The following USH2A variants were observed in gnomAD, a reference collection of about 807,000 sequenced individuals.
USH2A encodes the protein usherin.
A neutral mutation model predicts 538.9 loss-of-function variants in USH2A; 443 were observed. The observed-to-expected ratio is 0.82, with a 90% CI of 0.76 to 0.89. USH2A has a LOEUF of 0.89. USH2A is among the 40% of genes least tolerant of loss of function. USH2A has a pLI of 0.00. For missense variants in USH2A, 6,633 were observed against 6,324.8 expected (o/e 1.05, Z -1.65); for synonymous variants, 2,413 against 2,273.5 (o/e 1.06, Z -1.75).
chr1:215,916,389 C>T (rs528467414), intron 38 of USH2A, among the ~76,000 whole-genome samples: 1 of 151,704 alleles, frequency 6.6e-6, no homozygotes, highest in Admixed American at 6.6e-5. Context: ...ATATTAGTGA[C>T]AAAATAAAAT....
At chr1:215,684,169 A>G (rs1658336094) in intron 61 of USH2A, among the ~76,000 whole-genome samples, 1 of 152,220 alleles carries the variant, frequency 6.6e-6, no homozygotes, top group Non-Finnish European at 1.5e-5. Context: ...TGAGACATAA[A>G]GACAAGACTC....
Position 216,174,402 on chromosome 1 carries a change from G to A in USH2A, c.4627+850C>T, listed in dbSNP as rs906951959. ...TATTGAAATCATGCTATTAGAAGCT[G>A]TAAGTCACAGAGGTCATGGGACTTC... On this transcript the variant is annotated intron_variant, in intron 21 of 71. Transcript: ENST00000307340. 10 of 985,120 alleles carry A rather than the reference G, an allele frequency of 1.0e-5. No individual in the cohort carries two copies. In the East Asian group the frequency reaches 8.0e-4, roughly 78 times the overall value. The allele number at this position is 985,120 out of a possible 1,614,324, so 61.0% of individuals were successfully genotyped here.
chr1:215,956,698 A>G (rs1667077035), intron 37 of USH2A, among the ~76,000 whole-genome samples: 1 of 152,198 alleles, frequency 6.6e-6, no homozygotes, highest in Non-Finnish European at 1.5e-5. Flanking sequence ...AACAGACACA[A>G]CAGCATAGAG....
intron 3 of USH2A, among the ~76,000 whole-genome samples, chr1:216,382,403 A>T (rs1204068978): frequency 1.3e-5 from 2 of 152,220 alleles, no homozygotes; most frequent in East Asian, 3.9e-4. Context: ...AGAAAGATGG[A>T]TACAATTAAA....
At chr1:216,225,813 G>C (rs1305000262) in intron 14 of USH2A, among the ~76,000 whole-genome samples, 1 of 152,108 alleles carries the variant, frequency 6.6e-6, no homozygotes, top group South Asian at 2.1e-4. Context: ...AGGAAGTAAT[G>C]GTTAGTTCTG....
intron 44 of USH2A, among the ~76,000 whole-genome samples, chr1:215,862,005 A>T (rs1175102804): frequency 6.6e-6 from 1 of 151,728 alleles, no homozygotes; most frequent in Non-Finnish European, 1.5e-5. Context: ...ACACCTGGCC[A>T]ATTTTTGTAT....
At chr1:216,414,161 TATG>T (rs1240115022) in intron 3 of USH2A, among the ~76,000 whole-genome samples, 1 of 152,106 alleles carries the variant, frequency 6.6e-6, no homozygotes, top group Non-Finnish European at 1.5e-5. Context: ...GTGTTCCCTA[TATG>T]ATAATAAAAA....
chr1:216,031,690 T>C (rs1358680847), intron 32 of USH2A, among the ~76,000 whole-genome samples: 1 of 152,206 alleles, frequency 6.6e-6, no homozygotes, highest in Non-Finnish European at 1.5e-5. Context: ...AATCCTTCAA[T>C]GGTTCTCTCT....
Position 215,766,784 on chromosome 1 carries a change from G to T in USH2A, c.10944C>A (p.Leu3648=), listed in dbSNP as rs1218907111. ...TDRRQHTVTG[L]QPYTNYSFTL... is the part of the protein sequence containing the mutation. ...TGAAGCTGTAGTTGGTGTATGGCTG[G>T]AGACCTAGAAAAAGCAAGCAAGAAA... The change falls in exon 56 of 72, where the codon CTC becomes CTA. Residue 3648 remains leucine, a synonymous_variant. Coordinates refer to ENST00000307340, the MANE Select transcript of USH2A (RefSeq NM_206933.4). 8.1e-6 allele frequency: 13 copies of T among 1,613,436 alleles called. No individual in the cohort carries two copies. Among genetic ancestry groups the T allele is most frequent in the African/African-American group, 1.3e-5 (1 of 74,992 alleles).
At chr1:215,682,090 G>A (rs948183464) in intron 61 of USH2A, among the ~76,000 whole-genome samples, 22 of 152,080 alleles carry the variant, frequency 1.4e-4, no homozygotes, top group African/African-American at 3.9e-4. Context: ...TACAAGTCCC[G>A]ATTACAAACA....
intron 64 of USH2A, among the ~76,000 whole-genome samples, chr1:215,659,873 G>A (rs1007423335): frequency 3.3e-4 from 50 of 152,152 alleles, no homozygotes; most frequent in Admixed American, 1.3e-4. Context: ...CAGGACTTGA[G>A]TTCTGACTCT....
rs1246641763 is a variant in USH2A at position 215,782,213 on chromosome 1, A to G, written c.10586-17T>C. 5 of 1,613,008 alleles carry G rather than the reference A, an allele frequency of 3.1e-6. No individual in the cohort carries two copies. The highest frequency in any genetic ancestry group is 1.6e-4 in the Middle Eastern group (1 of 6,080). On this transcript the variant is annotated splice_polypyrimidine_tract_variant and intron_variant, in intron 53 of 71. Transcript: ENST00000307340. Reference sequence around the variant, plus strand: ...TAATAGGACCTAAAAGAAGCAGAAAAATGACTGCATTTGAATGTGATATCA... The same window carrying G: ...TAATAGGACCTAAAAGAAGCAGAAAGATGACTGCATTTGAATGTGATATCA...
intron 4 of USH2A, among the ~76,000 whole-genome samples, chr1:216,348,793 G>T (rs907809605): frequency 1.3e-5 from 2 of 151,480 alleles, no homozygotes; most frequent in African/African-American, 4.8e-5. Context: ...TGTGTTTAAG[G>T]TTTTTTTTCT....
chr1:216,364,049 A>G (rs1459091442), intron 4 of USH2A, among the ~76,000 whole-genome samples: 1 of 150,710 alleles, frequency 6.6e-6, no homozygotes, highest in African/African-American at 2.4e-5. Flanking sequence ...ATATTATATA[A>G]TAATATAAAA....
intron 32 of USH2A, among the ~76,000 whole-genome samples, chr1:216,025,044 T>G (rs1430880361): frequency 6.6e-6 from 1 of 151,920 alleles, no homozygotes; most frequent in East Asian, 1.9e-4. Context: ...GTAACAAATT[T>G]CAGTGAGGAT....
intron 61 of USH2A, 136 bp downstream of exon 61, chr1:215,727,894 T>G: frequency 9.4e-7 from 1 of 1,063,354 alleles, no homozygotes; most frequent in Non-Finnish European, 1.4e-6. Context: ...GTGACTACAT[T>G]GCAACTTTTC....
At chr1:215,975,286 C>T (rs960812742) in intron 35 of USH2A, among the ~76,000 whole-genome samples, 1 of 152,208 alleles carries the variant, frequency 6.6e-6, no homozygotes, top group East Asian at 1.9e-4. Context: ...TGTCTGTTTA[C>T]TCTGTTGATA....
At chr1:215,874,340 GC>G in intron 43 of USH2A, among the ~76,000 whole-genome samples, 1 of 152,286 alleles carries the variant, frequency 6.6e-6, no homozygotes, top group Admixed American at 6.5e-5. Flanking sequence ...CACAGGCAGA[GC>G]AAAATTCGAT....
intron 7 of USH2A, among the ~76,000 whole-genome samples, 190 bp from the exon 8 acceptor site, chr1:216,323,885 C>T (rs2037670195): frequency 6.6e-6 from 1 of 152,034 alleles, no homozygotes; most frequent in African/African-American, 2.4e-5. Context: ...TAAAACAGTT[C>T]CTTGAAAACA....
Sources: allele counts gnomAD v4.1 joint callset (sites outside exome capture counted in the v4.1 genomes callset), GRCh38; gene constraint gnomAD v4.1.1; transcripts MANE v1.5; gene names NCBI Gene and HGNC (gene_info 2026-07-23, HGNC 2026-07-21).